Variants in ATL2 observed in about 807,000 individuals in gnomAD.
ATL2 encodes atlastin GTPase 2.
Under a neutral mutation model 73.9 loss-of-function variants are expected in ATL2, and 31 were observed. That is an observed-to-expected ratio of 0.42 (90% CI 0.32 to 0.57). The LOEUF (loss-of-function observed/expected upper bound fraction) is 0.57, where lower values mean the gene tolerates loss of function less well. Among genes scored for constraint, ATL2 ranks in the 20% least tolerant of loss-of-function variants. ATL2 has a pLI of 0.14. For synonymous variants in ATL2, 291 were observed against 237.5 expected (o/e 1.23, Z -2.07); for missense variants, 738 against 702.6 (o/e 1.05, Z -0.57).
chr2:38,339,658 GGCATAATCATACA>G (rs756164967), intron 2 of ATL2, among the ~76,000 whole-genome samples: 2 of 152,098 alleles, frequency 1.3e-5, no homozygotes, highest in South Asian at 4.2e-4. Flanking sequence ...AGCAAAATGT[GGCATAATCATACA>G]GCAGAATATT....
rs377439836 is a variant in ATL2, at chr2:38,347,040, C to A, written c.119-3528G>T. The stretch of plus-strand genomic sequence containing the variant: ...CAACCAAGTTTAGTCATTCTATACT[C>A]CCCAAATTTTAATCTATCACTTGAA... On this transcript the variant is annotated intron_variant, in intron 1 of 12. Coordinates refer to ENST00000378954, the MANE Select transcript of ATL2 (RefSeq NM_001135673.4). Among the ~76,000 whole-genome samples, 17 of 152,256 alleles carry A rather than the reference C, an allele frequency of 1.1e-4. No homozygotes were observed. The South Asian group carries it at 3.1e-3, about 28-fold the overall frequency.
chr2:38,296,383 G>A (rs767314377), intron 12 of ATL2: 120 of 1,517,606 alleles, frequency 7.9e-5, no homozygotes, highest in Admixed American at 1.0e-4. Context: ...AATCTGGTAT[G>A]TATACAGCAT....
chr2:38,300,340 G>A lies in ATL2; in HGVS notation c.1072-12C>T, dbSNP rs1197396126. On this transcript the variant is annotated splice_polypyrimidine_tract_variant and intron_variant, in intron 9 of 12. Coordinates refer to ENST00000378954, the MANE Select transcript of ATL2 (RefSeq NM_001135673.4). ...ATTTTGATGTAAGCCTAAAAAGGGA[G>A]AAGATTTGTTAGACTGACGGATTAT... 8.8e-6 allele frequency: 14 copies of A among 1,599,922 alleles called. No homozygotes were observed. The highest frequency in any genetic ancestry group is 1.3e-5 in the African/African-American group (1 of 74,566).
At chr2:38,326,723 C>G (rs1237028782) in intron 2 of ATL2, among the ~76,000 whole-genome samples, 1 of 152,074 alleles carries the variant, frequency 6.6e-6, no homozygotes, top group Non-Finnish European at 1.5e-5. Context: ...AGCAGTGACT[C>G]ATGGCTATAA....
In ATL2 at chr2:38,326,665, A is replaced by G. The variant is rs533624269; in HGVS notation, c.364-7646T>C. 1.2e-4 allele frequency among the ~76,000 whole-genome samples: 19 copies of G among 152,324 alleles called. No individual in the cohort carries two copies. In the East Asian group the frequency reaches 1.3e-3, roughly 11 times the overall value. Reference sequence around the variant, plus strand: ...CACTTTTACCTACAGAGGAACAAAGATAAGAATTACACTGGACTTCCCATT... The same window carrying G: ...CACTTTTACCTACAGAGGAACAAAGGTAAGAATTACACTGGACTTCCCATT... On this transcript the variant is annotated intron_variant, in intron 2 of 12. Coordinates refer to ENST00000378954, the MANE Select transcript of ATL2 (RefSeq NM_001135673.4).
chr2:38,352,051 C>G (rs1670379352), intron 1 of ATL2, among the ~76,000 whole-genome samples: 2 of 143,108 alleles, frequency 1.4e-5, no homozygotes, highest in South Asian at 4.4e-4. Context: ...GTGGAGGCTG[C>G]AGTGAGCCAA....
chr2:38,354,226 A>G, intron 1 of ATL2: 1 of 404,480 alleles, frequency 2.5e-6, no homozygotes, highest in South Asian at 1.7e-5. Context: ...GATGTGCATT[A>G]CATGAGAGCT....
At chr2:38,324,059 T>A (rs1477506023) in intron 2 of ATL2, among the ~76,000 whole-genome samples, 5 of 152,192 alleles carry the variant, frequency 3.3e-5, no homozygotes, top group Admixed American at 2.0e-4. Context: ...GCGGATCACC[T>A]GAGGCTGGGA....
At chr2:38,363,781 A>G (rs548437080) in intron 1 of ATL2, among the ~76,000 whole-genome samples, 3 of 152,370 alleles carry the variant, frequency 2.0e-5, no homozygotes, top group Non-Finnish European at 4.4e-5. Flanking sequence ...GTATAATTCA[A>G]TAATAACAGT....
At chr2:38,340,397 AAGAATT>A (rs796605156) in intron 2 of ATL2, among the ~76,000 whole-genome samples, 25 of 151,772 alleles carry the variant, frequency 1.6e-4, no homozygotes, top group African/African-American at 5.6e-4. Context: ...ATAAGCAAAT[AAGAATT>A]AGAAGTGGGG....
At chr2:38,296,271 C>G (rs1366510951) in intron 12 of ATL2, 158 bp from the exon 13 acceptor site, 1 of 1,437,744 alleles carries the variant, frequency 7.0e-7, no homozygotes, top group Non-Finnish European at 9.1e-7. Flanking sequence ...TATGATGCTA[C>G]TAGACATTTT....
At chr2:38,311,868 G>C (rs1667775010) in intron 7 of ATL2, among the ~76,000 whole-genome samples, 1 of 152,196 alleles carries the variant, frequency 6.6e-6, no homozygotes. Flanking sequence ...AGTTTAGTTA[G>C]TATGTCTATT....
At chr2:38,361,522 A>G (rs895219079) in intron 1 of ATL2, among the ~76,000 whole-genome samples, 1 of 152,224 alleles carries the variant, frequency 6.6e-6, no homozygotes, top group Non-Finnish European at 1.5e-5. Flanking sequence ...GGACAGGTGC[A>G]TATCTACGAA....
intron 4 of ATL2, 140 bp downstream of exon 4, chr2:38,318,395 G>A: frequency 2.0e-6 from 1 of 506,146 alleles, no homozygotes; most frequent in Middle Eastern, 3.2e-4. Context: ...GAACCCAGGA[G>A]GCAGAGGTTG....
intron 2 of ATL2, among the ~76,000 whole-genome samples, chr2:38,341,080 T>C (rs747276162): frequency 6.6e-6 from 1 of 152,202 alleles, no homozygotes; most frequent in Non-Finnish European, 1.5e-5. Context: ...AGGTGAAACT[T>C]ATCTGTCATT....
At chr2:38,323,502 C>T (rs1230254936) in intron 2 of ATL2, among the ~76,000 whole-genome samples, 2 of 151,458 alleles carry the variant, frequency 1.3e-5, no homozygotes, top group Non-Finnish European at 2.9e-5. Flanking sequence ...CCATGCCCAG[C>T]CTGAAGTTTA....
At chr2:38,305,909 G>T (rs1283558966) in intron 9 of ATL2, among the ~76,000 whole-genome samples, 3 of 151,702 alleles carry the variant, frequency 2.0e-5, no homozygotes, top group Non-Finnish European at 4.4e-5. Flanking sequence ...AAAATTAGAA[G>T]AAGTTAGCGA....
upstream of ATL2, among the ~76,000 whole-genome samples, chr2:38,378,243 T>G (rs1672089500): frequency 6.6e-6 from 1 of 152,198 alleles, no homozygotes; most frequent in African/African-American, 2.4e-5. Context: ...AAGTCTAAAA[T>G]TCACAGCATG....
intron 6 of ATL2, among the ~76,000 whole-genome samples, chr2:38,313,982 A>C (rs1667892946): frequency 6.6e-6 from 1 of 152,192 alleles, no homozygotes; most frequent in Non-Finnish European, 1.5e-5. Flanking sequence ...CTACTTAATA[A>C]AAGTGACCAT....
Sources: allele counts gnomAD v4.1 joint callset (sites outside exome capture counted in the v4.1 genomes callset), GRCh38; gene constraint gnomAD v4.1.1; transcripts MANE v1.5; gene names NCBI Gene and HGNC (gene_info 2026-07-23, HGNC 2026-07-21).